Variants in AFAP1L1 observed in about 807,000 individuals in gnomAD.
AFAP1L1 encodes the protein actin filament-associated protein 1-like 1.
A neutral mutation model predicts 99.8 loss-of-function variants in AFAP1L1; 77 were observed. The observed-to-expected ratio is 0.77, with a 90% CI of 0.64 to 0.93. AFAP1L1 has a LOEUF of 0.93. Among genes scored for constraint, AFAP1L1 ranks in the 40% least tolerant of loss-of-function variants. The pLI, the probability that AFAP1L1 is intolerant of heterozygous loss-of-function variation, is 0.00. For synonymous variants in AFAP1L1, 373 were observed against 395.3 expected, an observed-to-expected ratio of 0.94 and a Z score of 0.67; for missense variants, 893 against 996.8, an observed-to-expected ratio of 0.90 and a Z score of 1.40.
At chr5:149,294,244 TAGG>T (rs1232678681) in intron 1 of AFAP1L1, among the ~76,000 whole-genome samples, 2 of 152,308 alleles carry the variant, frequency 1.3e-5, no homozygotes, top group African/African-American at 4.8e-5. Flanking sequence ...ACTTTCTGGA[TAGG>T]AGGTCTGGGA....
In AFAP1L1 at chr5:149,306,325, C is replaced by T. The variant is rs747190987; in HGVS notation, c.456C>T (p.His152=). The T allele has an allele frequency of 1.2e-5, 20 of 1,613,322 alleles. No individual in the cohort carries two copies. The highest frequency in any genetic ancestry group is 1.7e-5 in the Admixed American group (1 of 59,950). Residue 152 remains histidine (H), a synonymous_variant, in exon 6 of 19, where the codon CAC becomes CAT. Coordinates refer to ENST00000296721, the MANE Select transcript of AFAP1L1 (RefSeq NM_152406.4). ...CCACAGATGGCTGCAGCCCCTCACA[C>T]TCGATTGTGGATGGCTACTATGAGG... is the stretch of plus-strand genomic sequence containing the variant. ...ISSHNGCSPS[H]SIVDGYYEDA...
chr5:149,289,166 G>A (rs940362482), intron 1 of AFAP1L1, among the ~76,000 whole-genome samples: 15 of 152,128 alleles, frequency 9.9e-5, no homozygotes, highest in Non-Finnish European at 1.3e-4. Flanking sequence ...AATTACGTAC[G>A]GGCAAATGGG....
intron 7 of AFAP1L1, among the ~76,000 whole-genome samples, chr5:149,308,600 C>T (rs1756510137): frequency 6.6e-6 from 1 of 152,198 alleles, no homozygotes; most frequent in South Asian, 2.1e-4. Flanking sequence ...TGTTGACAAG[C>T]CTTGCCCAAC....
intron 1 of AFAP1L1, among the ~76,000 whole-genome samples, chr5:149,285,523 A>G (rs1419030069): frequency 1.3e-5 from 2 of 152,136 alleles, no homozygotes; most frequent in Admixed American, 6.5e-5. Flanking sequence ...AGGGAAGCCA[A>G]ATCCCAAGTT....
chr5:149,328,409 G>A (rs1757153929), intron 15 of AFAP1L1, among the ~76,000 whole-genome samples: 1 of 152,246 alleles, frequency 6.6e-6, no homozygotes. Flanking sequence ...CCTGGAGTCA[G>A]AGAGACATGG....
rs539959371 is a variant in AFAP1L1, at chr5:149,314,689, G to A, written c.1021-1132G>A. 2.0e-5 allele frequency among the ~76,000 whole-genome samples: 3 copies of A among 152,276 alleles called. No individual in the cohort carries two copies. The East Asian group carries it at 5.8e-4, about 29-fold the overall frequency. On this transcript the variant is annotated intron_variant, in intron 9 of 18. Transcript: ENST00000296721. ...CTTTCTGACAGCTGTCATGTTTCCA[G>A]CCCTTTGGAAACTGAGAGGTGCACA...
intron 5 of AFAP1L1, among the ~76,000 whole-genome samples, chr5:149,303,548 C>T (rs1756298980): frequency 6.6e-6 from 1 of 152,184 alleles, no homozygotes; most frequent in Non-Finnish European, 1.5e-5. Flanking sequence ...TGCTCTCCAA[C>T]CACCAAAAAA....
intron 9 of AFAP1L1, chr5:149,315,583 T>A: frequency 2.0e-6 from 1 of 495,072 alleles, no homozygotes; most frequent in Non-Finnish European, 3.7e-6. Context: ...CAAAGTGTTA[T>A]AATTAATTGC....
In AFAP1L1 at chr5:149,329,783, T is replaced by C. The variant is rs745973835; in HGVS notation, c.1928T>C (p.Leu643Pro). The C allele has an allele frequency of 1.2e-6, 2 of 1,613,670 alleles. No individual in the cohort carries two copies. The highest frequency in any genetic ancestry group is 1.7e-5 in the Admixed American group (1 of 59,940). ...KETIRTELIALRQEKRELKEA... is the reference protein window; with the variant it reads ...KETIRTELIAPRQEKRELKEA... ...ACGATTCGGACAGAGCTGATAGCAC[T>C]GAGACAGGAGAAGAGGGAACTGAAG... The change falls in exon 16 of 19, where the codon CTG becomes CCG. Residue 643 changes from leucine to proline, a missense_variant. Leu to Pro is a moderately conservative substitution (Grantham distance 98). Coordinates refer to ENST00000296721, the MANE Select transcript of AFAP1L1 (RefSeq NM_152406.4).
At chr5:149,313,140 A>G (rs377031526) in intron 9 of AFAP1L1, among the ~76,000 whole-genome samples, 2,190 of 151,972 alleles carry the variant, frequency 0.014, 41 homozygotes, top group African/African-American at 0.049. Context: ...AAAAAAAAAA[A>G]AGAGAAGGAG....
intron 7 of AFAP1L1, among the ~76,000 whole-genome samples, 165 bp downstream of exon 7, chr5:149,307,778 G>A (rs1756467495): frequency 7.7e-6 from 1 of 129,168 alleles, no homozygotes; most frequent in Admixed American, 8.0e-5. Flanking sequence ...CCCCACTGGA[G>A]CAGAATTTAA....
At chr5:149,309,890 G>T (rs767065737) in intron 7 of AFAP1L1, 66 bp from the exon 8 acceptor site, 6 of 1,604,028 alleles carry the variant, frequency 3.7e-6, no homozygotes, top group Non-Finnish European at 5.1e-6. Context: ...GAGCCTTTGT[G>T]TGAGGATGTC....
Position 149,322,692 on chromosome 5 carries a change from G to A in AFAP1L1, c.1785G>A (p.Gln595=), listed in dbSNP as rs140123570. 7.4e-5 allele frequency: 117 copies of A among 1,589,724 alleles called. No homozygotes were observed. The African/African-American group carries it at 1.1e-3, about 15-fold the overall frequency. The change falls in exon 15 of 19, where the codon CAG becomes CAA. Residue 595 remains glutamine (Q), a synonymous_variant. Coordinates refer to ENST00000296721, the MANE Select transcript of AFAP1L1 (RefSeq NM_152406.4). ...AGAAGTCCCATCGTGTGGACCCGCA[G>A]GTCAAAGTCAAACGCCACGCCTCCA... ...CSEKSHRVDP[Q]VKVKRHASSA...
At chr5:149,291,503 C>G (rs569131667) in intron 1 of AFAP1L1, among the ~76,000 whole-genome samples, 64 of 110,838 alleles carry the variant, frequency 5.8e-4, no homozygotes, top group African/African-American at 2.2e-3. Context: ...TCCAGCCGGA[C>G]AACAGAGCGT....
At chr5:149,298,915 A>G (rs949289903) in intron 1 of AFAP1L1, among the ~76,000 whole-genome samples, 1 of 152,234 alleles carries the variant, frequency 6.6e-6, no homozygotes, top group African/African-American at 2.4e-5. Flanking sequence ...ATTCTTACAC[A>G]CACTCAAGTT....
At chr5:149,326,716 C>G (rs1173493071) in intron 15 of AFAP1L1, among the ~76,000 whole-genome samples, 2 of 151,934 alleles carry the variant, frequency 1.3e-5, no homozygotes, top group Non-Finnish European at 2.9e-5. Flanking sequence ...GATGCATTGT[C>G]AAAATCAATA....
At position 149,342,985 on chromosome 5, in the gene AFAP1L1, T is replaced by C. The variant is rs1231239146; in HGVS notation, c.*2955T>C. Among the ~76,000 whole-genome samples, 2 of 152,162 alleles carry C rather than the reference T, an allele frequency of 1.3e-5. No individual in the cohort carries two copies. The highest frequency in any genetic ancestry group is 2.9e-5 in the Non-Finnish European group (2 of 68,030). ...CAGGTCTAAGCCCAACACTGCCAAG[T>C]GTTCAGTCTGTCAGAATTCTACTGT... On this transcript the variant is annotated 3_prime_UTR_variant, in exon 19 of 19. Coordinates refer to ENST00000296721, the MANE Select transcript of AFAP1L1 (RefSeq NM_152406.4).
chr5:149,316,348 C>A, intron 11 of AFAP1L1, 45 bp downstream of exon 11: 1 of 1,589,264 alleles, frequency 6.3e-7, no homozygotes, highest in Non-Finnish European at 8.6e-7. Context: ...GTCCTGTGTG[C>A]GCGGGCTTTG....
chr5:149,284,759 T>C (rs1331897058), intron 1 of AFAP1L1, among the ~76,000 whole-genome samples: 1 of 152,152 alleles, frequency 6.6e-6, no homozygotes. Flanking sequence ...TATGATGTGT[T>C]GCAATTTGGG....
Sources: allele counts gnomAD v4.1 joint callset (sites outside exome capture counted in the v4.1 genomes callset), GRCh38; gene constraint gnomAD v4.1.1; transcripts MANE v1.5; gene names NCBI Gene and HGNC (gene_info 2026-07-23, HGNC 2026-07-21).